Variants in DLG2 observed in about 807,000 individuals in gnomAD.
DLG2 encodes the protein disks large homolog 2.
DLG2 carries 45 observed loss-of-function variants against 132.5 expected under a neutral mutation model. The ratio of observed to expected loss-of-function variants is 0.34; its 90% confidence interval spans 0.27 to 0.44. The LOEUF (loss-of-function observed/expected upper bound fraction) is 0.44, where lower values mean the gene tolerates loss of function less well. Ranked by LOEUF, DLG2 falls within the 20% of genes least tolerant of loss-of-function variation. The pLI is 1.00. For missense variants in DLG2, 1,045 were observed against 1,196.9 expected, an observed-to-expected ratio of 0.87 and a Z score of 1.87; for synonymous variants, 424 against 419.6, an observed-to-expected ratio of 1.01 and a Z score of -0.13.
At chr11:85,553,553 G>A (rs1425521001) in intron 3 of DLG2, among the ~76,000 whole-genome samples, 3 of 151,028 alleles carry the variant, frequency 2.0e-5, no homozygotes, top group Non-Finnish European at 4.4e-5. Flanking sequence ...AAGTACATTT[G>A]CAGATGAAAA....
intron 5 of DLG2, among the ~76,000 whole-genome samples, chr11:85,117,102 G>T (rs577585227): frequency 3.9e-5 from 6 of 151,966 alleles, no homozygotes; most frequent in Admixed American, 3.9e-4. Context: ...CTCAGAGTTC[G>T]TCAAGGCAAA....
chr11:84,950,744 C>T (rs559751891), intron 6 of DLG2, among the ~76,000 whole-genome samples: 1 of 151,958 alleles, frequency 6.6e-6, no homozygotes, highest in Non-Finnish European at 1.5e-5. Context: ...CACACACACA[C>T]GCACCCCTCC....
intron 19 of DLG2, among the ~76,000 whole-genome samples, chr11:83,600,695 A>G (rs1369324785): frequency 6.6e-6 from 1 of 152,216 alleles, no homozygotes; most frequent in African/African-American, 2.4e-5. Context: ...AGAAGCAATG[A>G]CTATCTCTGA....
chr11:83,557,027 TGTC>T (rs2096533130), intron 19 of DLG2, among the ~76,000 whole-genome samples: 1 of 126,128 alleles, frequency 7.9e-6, no homozygotes, highest in Admixed American at 8.1e-5. Context: ...TGATTACAAT[TGTC>T]TGGGGACCAC....
intron 19 of DLG2, among the ~76,000 whole-genome samples, chr11:83,544,272 C>T (rs989688700): frequency 6.6e-6 from 1 of 152,154 alleles, no homozygotes; most frequent in Non-Finnish European, 1.5e-5. Context: ...TGAGCATGAT[C>T]ATGCTGAGTC....
At chr11:85,398,726 G>A (rs1176407377) in intron 3 of DLG2, among the ~76,000 whole-genome samples, 3 of 152,038 alleles carry the variant, frequency 2.0e-5, no homozygotes, top group Non-Finnish European at 2.9e-5. Context: ...ACTAAACCAG[G>A]AAGAAGTTGA....
intron 3 of DLG2, among the ~76,000 whole-genome samples, chr11:85,565,145 T>A (rs960036152): frequency 6.6e-6 from 1 of 152,100 alleles, no homozygotes; most frequent in Admixed American, 6.6e-5. Context: ...TCTACAAAAC[T>A]AATTATGTGA....
intron 7 of DLG2, among the ~76,000 whole-genome samples, chr11:84,364,440 A>G (rs1289213046): frequency 6.6e-6 from 1 of 152,146 alleles, no homozygotes; most frequent in Non-Finnish European, 1.5e-5. Context: ...TAGATATACA[A>G]TCATGTCATC....
intron 11 of DLG2, among the ~76,000 whole-genome samples, chr11:84,030,408 T>C (rs1020141404): frequency 2.6e-5 from 4 of 152,264 alleles, no homozygotes; most frequent in South Asian, 2.1e-4. Flanking sequence ...TAAATAGCTA[T>C]GATATACAAG....
At chr11:85,463,804 A>G (rs2092692749) in intron 3 of DLG2, among the ~76,000 whole-genome samples, 1 of 152,084 alleles carries the variant, frequency 6.6e-6, no homozygotes, top group Non-Finnish European at 1.5e-5. Context: ...CTCGTCAGAT[A>G]TTGGTATTGA....
intron 17 of DLG2, among the ~76,000 whole-genome samples, chr11:83,829,235 T>C (rs2053784607): frequency 6.7e-6 from 1 of 149,430 alleles, no homozygotes; most frequent in Non-Finnish European, 1.5e-5. Flanking sequence ...CTCACTCTGT[T>C]GCCCAGGCTG....
At position 83,787,340 on chromosome 11, in the gene DLG2, T is replaced by TTTTTTTTTTTTTTTG. The variant is rs66699053; in HGVS notation, c.1723-549_1723-548insCAAAAAAAAAAAAAA. ...TTTTTTTTGTTTTTTTTTTTTTTTT[T>TTTTTTTTTTTTTTTG]AGACAGAGTCTCGCTCTTTCGCCCA... On this transcript the variant is annotated intron_variant, in intron 17 of 27. Transcript: ENST00000376104. Among the ~76,000 whole-genome samples the TTTTTTTTTTTTTTTG allele has an allele frequency of 1.8e-4, 19 of 102,746 alleles. 3 individuals carry two copies. Among genetic ancestry groups the TTTTTTTTTTTTTTTG allele is most frequent in the African/African-American group, 3.8e-4 (9 of 23,880 alleles). 67.4% of individuals were successfully genotyped at this position (102,746 alleles called of 152,430 possible). A position where few individuals can be genotyped will look rare whatever the true frequency, so the allele number is the denominator to read the frequency against.
intron 6 of DLG2, among the ~76,000 whole-genome samples, chr11:85,011,909 A>G (rs1274609601): frequency 1.3e-5 from 2 of 152,174 alleles, no homozygotes; most frequent in African/African-American, 2.4e-5. Flanking sequence ...GCAAACATTT[A>G]CTATTGAGTA....
At chr11:85,498,879 T>C (rs956874093) in intron 3 of DLG2, among the ~76,000 whole-genome samples, 3 of 152,104 alleles carry the variant, frequency 2.0e-5, no homozygotes, top group Non-Finnish European at 4.4e-5. Flanking sequence ...ATAAAGATGG[T>C]CTTTGAAACC....
intron 2 of DLG2, among the ~76,000 whole-genome samples, chr11:85,626,340 G>A (rs1199354315): frequency 6.6e-6 from 1 of 152,150 alleles, no homozygotes; most frequent in Non-Finnish European, 1.5e-5. Context: ...CTGCGGTACT[G>A]AATCTATTCT....
chr11:84,910,665 C>A (rs1321239522), intron 6 of DLG2, among the ~76,000 whole-genome samples: 1 of 152,132 alleles, frequency 6.6e-6, no homozygotes, highest in East Asian at 1.9e-4. Context: ...ATAATCCCAG[C>A]TGTCAGGGAG....
intron 7 of DLG2, among the ~76,000 whole-genome samples, chr11:84,453,126 A>G (rs1049409771): frequency 6.6e-6 from 1 of 151,730 alleles, no homozygotes; most frequent in East Asian, 1.9e-4. Context: ...TAACTTGGAG[A>G]TATCTTTTAG....
rs981680064 is a variant in DLG2, at chr11:84,941,576, C to A, written c.357+170085G>T. Among the ~76,000 whole-genome samples the A allele has an allele frequency of 3.3e-5, 5 of 151,812 alleles. No individual in the cohort carries two copies. The South Asian group carries it at 8.3e-4, about 25-fold the overall frequency. ...CATCCTTGTATCCCTGAGATAGATC[C>A]CCCTTGATCACAACGAGTGATCTTT... is the stretch of plus-strand genomic sequence containing the variant. On this transcript the variant is annotated intron_variant, in intron 6 of 27. Transcript: ENST00000376104.
intron 6 of DLG2, among the ~76,000 whole-genome samples, chr11:84,694,085 T>C (rs2058356313): frequency 1.3e-5 from 2 of 151,574 alleles, no homozygotes; most frequent in South Asian, 2.1e-4. Flanking sequence ...TTATTAATAA[T>C]TGTCACATTG....
Sources: allele counts gnomAD v4.1 joint callset (sites outside exome capture counted in the v4.1 genomes callset), GRCh38; gene constraint gnomAD v4.1.1; transcripts MANE v1.5; gene names NCBI Gene and HGNC (gene_info 2026-07-23, HGNC 2026-07-21).